The following CSMD1 variants were observed in gnomAD, a reference collection of about 807,000 sequenced individuals.
CSMD1 encodes CUB and sushi domain-containing protein 1.
In CSMD1, 213 loss-of-function variants were observed where a neutral mutation model predicts 417.5. That is an observed-to-expected ratio of 0.51 (90% CI 0.46 to 0.57). The LOEUF (loss-of-function observed/expected upper bound fraction) is 0.57. Among genes scored for constraint, CSMD1 ranks in the 20% least tolerant of loss-of-function variants. The pLI, the probability that CSMD1 is intolerant of heterozygous loss-of-function variation, is 0.00. For missense variants in CSMD1, 6,923 were observed against 4,529.7 expected (o/e 1.53, Z -15.17); for synonymous variants, 2,862 against 1,736.8 (o/e 1.65, Z -16.11).
intron 5 of CSMD1, among the ~76,000 whole-genome samples, chr8:3,898,326 T>A (rs566402172): frequency 1.3e-5 from 2 of 151,986 alleles, no homozygotes; most frequent in African/African-American, 4.8e-5. Flanking sequence ...ACTCTGATGT[T>A]ATGTGAGCTA....
At chr8:4,049,752 G>T (rs781302363) in intron 3 of CSMD1, among the ~76,000 whole-genome samples, 2 of 152,096 alleles carry the variant, frequency 1.3e-5, no homozygotes, top group South Asian at 4.1e-4. Flanking sequence ...AAATAGTAGA[G>T]AATCTCCATA....
intron 3 of CSMD1, among the ~76,000 whole-genome samples, chr8:4,203,797 G>A (rs1225447728): frequency 6.6e-6 from 1 of 152,110 alleles, no homozygotes; most frequent in African/African-American, 2.4e-5. Context: ...CTAATTTGAG[G>A]ATGGATTAAA....
At chr8:4,128,140 C>G (rs1021962750) in intron 3 of CSMD1, among the ~76,000 whole-genome samples, 3 of 152,128 alleles carry the variant, frequency 2.0e-5, no homozygotes, top group African/African-American at 7.2e-5. Flanking sequence ...CTCCCACCCC[C>G]ACCTCTGGAG....
intron 5 of CSMD1, among the ~76,000 whole-genome samples, chr8:3,982,486 G>C (rs1443745546): frequency 6.6e-6 from 1 of 151,934 alleles, no homozygotes; most frequent in African/African-American, 2.4e-5. Flanking sequence ...TACTCCATAA[G>C]GACCAGAAAA....
At chr8:4,184,060 C>G (rs1458749870) in intron 3 of CSMD1, among the ~76,000 whole-genome samples, 1 of 152,156 alleles carries the variant, frequency 6.6e-6, no homozygotes, top group African/African-American at 2.4e-5. Flanking sequence ...ATTATCTACC[C>G]TGCAATAATT....
rs74594674 is a variant in CSMD1, at chr8:3,230,209, G to A, written c.4176C>T (p.Asn1392=). 311 of 1,593,382 alleles carry A rather than the reference G, an allele frequency of 2.0e-4. 2 individuals are homozygous for A. In the African/African-American group the frequency reaches 3.4e-3, roughly 17 times the overall value. ...TGCCATTTTGGGGCATACCTGGATC[G>A]TTACAGGTGGCTGCAATTGAGGCTG... is the stretch of plus-strand genomic sequence containing the variant. ...QFSTSIAATC[N]DPGMPQNGTR... Residue 1392 remains asparagine, a synonymous_variant, in exon 27 of 70, where the codon AAC becomes AAT. Transcript: ENST00000635120.
intron 39 of CSMD1, among the ~76,000 whole-genome samples, chr8:3,155,421 G>A (rs888461752): frequency 6.6e-5 from 7 of 106,786 alleles, no homozygotes; most frequent in Non-Finnish European, 9.1e-5. Flanking sequence ...AGGATGGAGT[G>A]CAGTGGCGCG....
intron 2 of CSMD1, among the ~76,000 whole-genome samples, chr8:4,498,820 C>G (rs1397665905): frequency 6.6e-6 from 1 of 152,072 alleles, no homozygotes. Context: ...CCCCTGGAGA[C>G]TTGGCAGCTA....
At chr8:4,944,573 A>C (rs1808237035) in intron 1 of CSMD1, among the ~76,000 whole-genome samples, 1 of 152,216 alleles carries the variant, frequency 6.6e-6, no homozygotes, top group African/African-American at 2.4e-5. Flanking sequence ...GAAGAGACAA[A>C]ATAAATACAC....
chr8:3,258,329 C>T (rs949581755), intron 26 of CSMD1, among the ~76,000 whole-genome samples: 1 of 152,060 alleles, frequency 6.6e-6, no homozygotes, highest in Non-Finnish European at 1.5e-5. Context: ...ATGTTGCCAA[C>T]AATCGTGGAA....
chr8:4,917,795 G>A (rs1349067176), intron 1 of CSMD1, among the ~76,000 whole-genome samples: 1 of 152,188 alleles, frequency 6.6e-6, no homozygotes, highest in Non-Finnish European at 1.5e-5. Flanking sequence ...TGTGAAAAGT[G>A]TTGCAAGATA....
chr8:4,131,514 A>T (rs1166676762), intron 3 of CSMD1, among the ~76,000 whole-genome samples: 1 of 152,184 alleles, frequency 6.6e-6, no homozygotes, highest in African/African-American at 2.4e-5. Flanking sequence ...TTCACTAAAC[A>T]TTATGTTTAA....
intron 1 of CSMD1, among the ~76,000 whole-genome samples, chr8:4,762,344 C>T (rs1025458962): frequency 6.6e-6 from 1 of 151,896 alleles, no homozygotes; most frequent in African/African-American, 2.4e-5. Flanking sequence ...TATATTTATA[C>T]CAGTAAACTT....
chr8:2,990,891 G>A (rs1806326234), intron 54 of CSMD1, among the ~76,000 whole-genome samples: 1 of 152,210 alleles, frequency 6.6e-6, no homozygotes, highest in Non-Finnish European at 1.5e-5. Flanking sequence ...ATTGGTCAGA[G>A]GCATCATCCC....
rs570447356 is a variant in CSMD1 at position 3,717,742 on chromosome 8, C to T, written c.932-9251G>A. ...AATAAAGTTGTTAATATTTATTATT[C>T]TGCCTTTATGACCTCTTTGAACAGT... On this transcript the variant is annotated intron_variant, in intron 6 of 69. Transcript: ENST00000635120. 4.6e-5 allele frequency among the ~76,000 whole-genome samples: 7 copies of T among 152,204 alleles called. No homozygotes were observed. In the East Asian group the frequency reaches 1.2e-3, roughly 25 times the overall value.
chr8:3,946,194 G>C (rs1179428348), intron 5 of CSMD1, among the ~76,000 whole-genome samples: 1 of 152,094 alleles, frequency 6.6e-6, no homozygotes, highest in Non-Finnish European at 1.5e-5. Context: ...AATCTCAGTG[G>C]TTTAGCAACT....
chr8:3,666,483 C>G (rs1429049262), intron 7 of CSMD1, among the ~76,000 whole-genome samples: 1 of 132,570 alleles, frequency 7.5e-6, no homozygotes, highest in Non-Finnish European at 1.7e-5. Context: ...TGTTAACATG[C>G]ACAGGGCCAG....
intron 3 of CSMD1, among the ~76,000 whole-genome samples, chr8:4,258,091 G>A (rs143290354): frequency 5.3e-5 from 8 of 151,614 alleles, no homozygotes; most frequent in African/African-American, 1.7e-4. Context: ...CTACAGGCCC[G>A]TGCTACCATT....
At chr8:3,128,704 C>T (rs1034858469) in intron 41 of CSMD1, 7 of 354,636 alleles carry the variant, frequency 2.0e-5, no homozygotes, top group Admixed American at 7.5e-5. Context: ...AATAAAATAG[C>T]TCAAATTCAT....
Sources: allele counts gnomAD v4.1 joint callset (sites outside exome capture counted in the v4.1 genomes callset), GRCh38; gene constraint gnomAD v4.1.1; transcripts MANE v1.5; gene names NCBI Gene and HGNC (gene_info 2026-07-23, HGNC 2026-07-21).